Variants in ERC2 observed in about 807,000 individuals in gnomAD.
ERC2 encodes the protein ERC protein 2.
In ERC2, 42 loss-of-function variants were observed where a neutral mutation model predicts 114.8. The observed-to-expected ratio is 0.37, with a 90% CI of 0.29 to 0.47. ERC2 has a LOEUF of 0.47. Among genes scored for constraint, ERC2 ranks in the 20% least tolerant of loss-of-function variants. The pLI is 0.99. For missense variants in ERC2, 939 were observed against 1,150.7 expected (o/e 0.82, Z 2.66); for synonymous variants, 454 against 425.5 (o/e 1.07, Z -0.82).
At chr3:56,460,335 G>C (rs2063255194) in intron 1 of ERC2, among the ~76,000 whole-genome samples, 1 of 152,148 alleles carries the variant, frequency 6.6e-6, no homozygotes, top group Admixed American at 6.5e-5. Context: ...AGGCAGAGGT[G>C]GATTCAAACT....
chr3:56,383,385 A>G (rs1321766634), intron 2 of ERC2, among the ~76,000 whole-genome samples: 1 of 152,182 alleles, frequency 6.6e-6, no homozygotes, highest in East Asian at 1.9e-4. Flanking sequence ...TTCTGATACT[A>G]CTAATCACCA....
At chr3:55,619,647 A>G (rs2059251987) in intron 17 of ERC2, among the ~76,000 whole-genome samples, 1 of 152,182 alleles carries the variant, frequency 6.6e-6, no homozygotes, top group Non-Finnish European at 1.5e-5. Flanking sequence ...ATACCTTGGG[A>G]CCCATCTGAT....
intron 17 of ERC2, among the ~76,000 whole-genome samples, chr3:55,682,396 C>G (rs1473625711): frequency 6.6e-6 from 1 of 152,148 alleles, no homozygotes; most frequent in Non-Finnish European, 1.5e-5. Flanking sequence ...TTACTGGCAG[C>G]AAATGGATCC....
chr3:55,686,300 C>T (rs1288408893), intron 16 of ERC2, among the ~76,000 whole-genome samples: 2 of 152,186 alleles, frequency 1.3e-5, no homozygotes, highest in East Asian at 3.8e-4. Context: ...AAATTCCTTT[C>T]ATGAACTCAG....
At chr3:56,425,661 T>C (rs1451509532) in intron 2 of ERC2, among the ~76,000 whole-genome samples, 1 of 151,820 alleles carries the variant, frequency 6.6e-6, no homozygotes, top group Non-Finnish European at 1.5e-5. Context: ...GTTTCTTCAT[T>C]TGAATGTGTA....
chr3:56,144,267 C>A (rs2081022597), intron 5 of ERC2, among the ~76,000 whole-genome samples: 1 of 152,214 alleles, frequency 6.6e-6, no homozygotes, highest in South Asian at 2.1e-4. Flanking sequence ...GAAGTTCTCT[C>A]TCTCTCATAC....
chr3:56,156,632 T>C (rs2081737997), intron 4 of ERC2, among the ~76,000 whole-genome samples: 1 of 152,200 alleles, frequency 6.6e-6, no homozygotes, highest in Non-Finnish European at 1.5e-5. Flanking sequence ...GCTGTACCTG[T>C]GCCTCTCATC....
At chr3:55,584,710 C>A (rs959871286) in intron 17 of ERC2, among the ~76,000 whole-genome samples, 1 of 152,112 alleles carries the variant, frequency 6.6e-6, no homozygotes, top group African/African-American at 2.4e-5. Context: ...CAGGAGCACA[C>A]CAAATACGGT....
chr3:55,594,091 A>C (rs1335147097), intron 17 of ERC2, among the ~76,000 whole-genome samples: 1 of 152,154 alleles, frequency 6.6e-6, no homozygotes, highest in East Asian at 1.9e-4. Context: ...CACAACACTC[A>C]GATTTTTCCC....
intron 13 of ERC2, among the ~76,000 whole-genome samples, chr3:55,936,109 T>A (rs1325887214): frequency 6.6e-6 from 1 of 152,036 alleles, no homozygotes; most frequent in Non-Finnish European, 1.5e-5. Flanking sequence ...CTCCATTGAG[T>A]CTCAGGCAGA....
intron 14 of ERC2, among the ~76,000 whole-genome samples, chr3:55,834,512 T>C (rs1287653791): frequency 6.6e-6 from 1 of 151,842 alleles, no homozygotes; most frequent in Non-Finnish European, 1.5e-5. Flanking sequence ...GAATGACTAC[T>C]GGGTACATAA....
At chr3:56,258,955 T>C (rs892732225) in intron 3 of ERC2, among the ~76,000 whole-genome samples, 16 of 148,850 alleles carry the variant, frequency 1.1e-4, no homozygotes, top group African/African-American at 2.7e-4. Context: ...AAACTATGTT[T>C]TTCTTTTAAT....
chr3:55,930,383 A>G (rs1029482367), intron 13 of ERC2, among the ~76,000 whole-genome samples: 1 of 152,224 alleles, frequency 6.6e-6, no homozygotes, highest in Non-Finnish European at 1.5e-5. Context: ...TCAAAACAGC[A>G]TGGTACTGGT....
chr3:56,453,599 T>C (rs1394196567), intron 1 of ERC2, among the ~76,000 whole-genome samples: 1 of 152,216 alleles, frequency 6.6e-6, no homozygotes, highest in African/African-American at 2.4e-5. Flanking sequence ...ATATCATCCA[T>C]TCCATGACAG....
chr3:55,711,023 A>T (rs1327428537), intron 15 of ERC2, among the ~76,000 whole-genome samples: 1 of 152,160 alleles, frequency 6.6e-6, no homozygotes, highest in Non-Finnish European at 1.5e-5. Context: ...AGATGAGTCC[A>T]CCATGTCCAT....
chr3:55,940,011 A>G (rs564660809), intron 13 of ERC2, among the ~76,000 whole-genome samples: 1 of 152,356 alleles, frequency 6.6e-6, no homozygotes, highest in East Asian at 1.9e-4. Context: ...GATGGAAAAC[A>G]GAGTTCTTAG....
intron 3 of ERC2, among the ~76,000 whole-genome samples, chr3:56,286,414 CAAAAAAAAAA>C (rs778645110): frequency 2.3e-4 from 7 of 30,334 alleles, no homozygotes; most frequent in South Asian, 2.2e-3. Flanking sequence ...AACTCCATCT[CAAAAAAAAAA>C]AAAAAAAAAA....
intron 2 of ERC2, among the ~76,000 whole-genome samples, chr3:56,317,375 G>T (rs780883188): frequency 6.6e-6 from 1 of 152,108 alleles, no homozygotes; most frequent in African/African-American, 2.4e-5. Context: ...AGTAGAAGGA[G>T]GCAGCTACGA....
At chr3:56,106,056 T>C (rs778310898) in intron 6 of ERC2, among the ~76,000 whole-genome samples, 67 of 152,374 alleles carry the variant, frequency 4.4e-4, no homozygotes, top group Middle Eastern at 3.4e-3. Flanking sequence ...TTGAGTTCAC[T>C]GAATAAGAGA....
Sources: allele counts gnomAD v4.1 joint callset (sites outside exome capture counted in the v4.1 genomes callset), GRCh38; gene constraint gnomAD v4.1.1; transcripts MANE v1.5; gene names NCBI Gene and HGNC (gene_info 2026-07-23, HGNC 2026-07-21).